NSUN6: variants seen among roughly 807,000 people sequenced by gnomAD.
NSUN6 encodes the protein tRNA (cytosine(72)-C(5))-methyltransferase NSUN6.
Under a neutral mutation model 58.0 loss-of-function variants are expected in NSUN6, and 64 were observed. That is an observed-to-expected ratio of 1.10 (90% CI 0.90 to 1.36). The LOEUF (loss-of-function observed/expected upper bound fraction) is 1.36, where lower values mean the gene tolerates loss of function less well. NSUN6 is among the 40% of genes most tolerant of loss of function. NSUN6 has a pLI of 0.00. For synonymous variants in NSUN6, 231 were observed against 193.9 expected (o/e 1.19, Z -1.59); for missense variants, 701 against 550.1 (o/e 1.27, Z -2.74).
intron 8 of NSUN6, among the ~76,000 whole-genome samples, chr10:18,569,136 T>C (rs997750032): frequency 6.6e-6 from 1 of 150,700 alleles, no homozygotes; most frequent in Non-Finnish European, 1.5e-5. Context: ...TCCATTCCAT[T>C]CCCCATTCCA....
chr10:18,577,859 A>C (rs1292252927), intron 8 of NSUN6, among the ~76,000 whole-genome samples: 1 of 152,134 alleles, frequency 6.6e-6, no homozygotes, highest in Non-Finnish European at 1.5e-5. Flanking sequence ...CATTCTCTTT[A>C]AATTAGCCAA....
chr10:18,634,948 AAC>A (rs2059163617), intron 3 of NSUN6, among the ~76,000 whole-genome samples: 1 of 152,074 alleles, frequency 6.6e-6, no homozygotes, highest in South Asian at 2.1e-4. Context: ...TGGAATGAGA[AAC>A]AGTTCCCAAC....
chr10:18,600,993 T>TATACACATATA (rs1554870074), intron 6 of NSUN6, among the ~76,000 whole-genome samples: 1 of 126,418 alleles, frequency 7.9e-6, no homozygotes, highest in Non-Finnish European at 1.7e-5. Context: ...TATATATATA[T>TATACACATATA]TATATACTAG....
intron 8 of NSUN6, among the ~76,000 whole-genome samples, chr10:18,561,435 T>C (rs2055498124): frequency 2.4e-5 from 2 of 85,094 alleles, no homozygotes; most frequent in Admixed American, 2.6e-4. Flanking sequence ...GTATGGAAAA[T>C]GGAATGGAAT....
At chr10:18,631,959 C>A (rs566939502) in intron 3 of NSUN6, among the ~76,000 whole-genome samples, 1 of 152,072 alleles carries the variant, frequency 6.6e-6, no homozygotes, top group East Asian at 1.9e-4. Flanking sequence ...CAATCCTAAG[C>A]GAAAAGAACA....
At chr10:18,551,504 G>A (rs11014830) in intron 9 of NSUN6, among the ~76,000 whole-genome samples, 110,668 of 151,724 alleles carry the variant, frequency 0.73, 40,595 homozygotes, top group East Asian at 0.97. Flanking sequence ...TCCTGTCTCT[G>A]TGAATTTCCC....
chr10:18,599,616 T>G (rs968337027), intron 6 of NSUN6, among the ~76,000 whole-genome samples: 1 of 152,138 alleles, frequency 6.6e-6, no homozygotes, highest in African/African-American at 2.4e-5. Context: ...GATTACCACA[T>G]AGCTGCACAT....
chr10:18,572,731 A>ATCC (rs1042766791), intron 8 of NSUN6, among the ~76,000 whole-genome samples: 1 of 123,930 alleles, frequency 8.1e-6, no homozygotes, highest in Admixed American at 8.7e-5. Flanking sequence ...TCCATTCCAC[A>ATCC]TCCTCCTTTC....
At chr10:18,551,018 A>G (rs1314998639) in intron 9 of NSUN6, among the ~76,000 whole-genome samples, 5 of 152,108 alleles carry the variant, frequency 3.3e-5, no homozygotes, top group Admixed American at 3.3e-4. Context: ...AAGCCACCAT[A>G]CTAGCCAATA....
At chr10:18,597,741 G>A in intron 6 of NSUN6, among the ~76,000 whole-genome samples, 1 of 152,024 alleles carries the variant, frequency 6.6e-6, no homozygotes, top group East Asian at 1.9e-4. Flanking sequence ...ACTCCAGCCT[G>A]GGCAATAAGA....
At chr10:18,636,577 A>T (rs2059221720) in intron 3 of NSUN6, among the ~76,000 whole-genome samples, 1 of 152,050 alleles carries the variant, frequency 6.6e-6, no homozygotes, top group African/African-American at 2.4e-5. Flanking sequence ...GAACCTCCTC[A>T]TTTCTCATAA....
chr10:18,651,119 C>T lies in NSUN6; in HGVS notation c.75+10G>A, dbSNP rs2059692610. ...TGCAAAATATCAACTAACATCTTTACTTGACCTACCTCCTTATTCATAAAG... is the reference window on the plus strand; with the variant it reads ...TGCAAAATATCAACTAACATCTTTATTTGACCTACCTCCTTATTCATAAAG... On this transcript the variant is annotated intron_variant, in intron 1 of 10. Transcript: ENST00000377304. 6.4e-7 allele frequency: 1 copy of T among 1,570,874 alleles called. No homozygotes were observed. The highest frequency in any genetic ancestry group is 8.6e-7 in the Non-Finnish European group (1 of 1,167,732).
At chr10:18,547,000 T>C (rs2054310001) in intron 10 of NSUN6, among the ~76,000 whole-genome samples, 1 of 152,150 alleles carries the variant, frequency 6.6e-6, no homozygotes, top group Non-Finnish European at 1.5e-5. Flanking sequence ...TTCAGCTTTA[T>C]TTAACAGTTT....
chr10:18,642,495 T>A lies in NSUN6; in HGVS notation c.292A>T (p.Ile98Phe). The A allele has an allele frequency of 6.5e-7, 1 of 1,537,132 alleles. No homozygotes were observed. Among genetic ancestry groups the A allele is most frequent in the Non-Finnish European group, 9.0e-7 (1 of 1,111,122 alleles). ...QHPDLQDVLL[I>F]PVIGPRKNIK... ...ACAAACCTGGGTCCAATAACAGGAA[T>A]AAGTAACACATCTTGAAGGTCTGGA... The change falls in exon 3 of 11, where the codon ATT becomes TTT. Residue 98 changes from isoleucine (I) to phenylalanine (F), a missense_variant. Physicochemically the swap from Ile to Phe is conservative, Grantham distance 21. Coordinates refer to ENST00000377304, the MANE Select transcript of NSUN6 (RefSeq NM_182543.5).
chr10:18,569,857 C>T (rs560499779), intron 8 of NSUN6, among the ~76,000 whole-genome samples: 12 of 147,146 alleles, frequency 8.2e-5, no homozygotes, highest in Admixed American at 2.0e-4. Flanking sequence ...CATCCCATTC[C>T]GCATTCCATT....
At chr10:18,628,751 T>G (rs1457123889) in intron 3 of NSUN6, among the ~76,000 whole-genome samples, 1 of 152,056 alleles carries the variant, frequency 6.6e-6, no homozygotes, top group Non-Finnish European at 1.5e-5. Context: ...AATATGGGAC[T>G]ATGTGAAAAG....
intron 6 of NSUN6, among the ~76,000 whole-genome samples, chr10:18,600,988 A>ATACACATATATATATATATATG (rs2057815830): frequency 7.4e-6 from 1 of 135,752 alleles, no homozygotes; most frequent in Non-Finnish European, 1.5e-5. Context: ...GTATATATAT[A>ATACACATATATATATATATATG]TATATTATAT....
At chr10:18,651,752 C>T (rs920310863), upstream of NSUN6, 3 of 985,510 alleles carry the variant, frequency 3.0e-6, no homozygotes, top group Non-Finnish European at 3.6e-6. Flanking sequence ...GTTCCTAACC[C>T]TGCGTGAGGC....
At chr10:18,631,891 G>C (rs376427497) in intron 3 of NSUN6, among the ~76,000 whole-genome samples, 2 of 152,074 alleles carry the variant, frequency 1.3e-5, no homozygotes, top group African/African-American at 4.8e-5. Flanking sequence ...CTTCACAGAA[G>C]TGGAAAAAAC....
Sources: allele counts gnomAD v4.1 joint callset (sites outside exome capture counted in the v4.1 genomes callset), GRCh38; gene constraint gnomAD v4.1.1; transcripts MANE v1.5; gene names NCBI Gene and HGNC (gene_info 2026-07-23, HGNC 2026-07-21).